Variants in ACACA observed in about 807,000 individuals in gnomAD.
ACACA encodes the protein acetyl-CoA carboxylase alpha, also known as acetyl-CoA carboxylase 1.
In ACACA, 103 loss-of-function variants were observed where a neutral mutation model predicts 296.1. The ratio of observed to expected loss-of-function variants is 0.35; its 90% confidence interval spans 0.30 to 0.41. ACACA has a LOEUF of 0.41. Among genes scored for constraint, ACACA ranks in the 10% least tolerant of loss-of-function variants. The pLI, the probability that ACACA is intolerant of heterozygous loss-of-function variation, is 1.00. For synonymous variants in ACACA, 953 were observed against 1,038.6 expected (o/e 0.92, Z 1.58); for missense variants, 1,554 against 2,989.7 (o/e 0.52, Z 11.20).
chr17:37,373,997 G>A (rs1431921927), intron 1 of ACACA, among the ~76,000 whole-genome samples: 1 of 152,160 alleles, frequency 6.6e-6, no homozygotes, highest in Non-Finnish European at 1.5e-5. Context: ...AAAGATGTGA[G>A]GCATTTATGT....
At chr17:37,333,247 AAGG>A (rs1379786293) in intron 2 of ACACA, among the ~76,000 whole-genome samples, 1 of 152,200 alleles carries the variant, frequency 6.6e-6, no homozygotes, top group Non-Finnish European at 1.5e-5. Flanking sequence ...CCTAACTTCC[AAGG>A]AACACCTATC....
intron 45 of ACACA, chr17:37,140,749 G>A (rs1263961643): frequency 4.5e-6 from 1 of 221,954 alleles, no homozygotes; most frequent in African/African-American, 2.3e-5. Flanking sequence ...GGTAGCTGTA[G>A]GTTTTAGAGA....
intron 7 of ACACA, 127 bp downstream of exon 7, chr17:37,276,906 A>AT: frequency 1.2e-6 from 1 of 839,348 alleles, no homozygotes; most frequent in South Asian, 1.4e-5. Context: ...TTAGTAATAG[A>AT]TTGAGGGAAA....
chr17:37,273,771 GCTGA>G (rs1402790972), intron 9 of ACACA, among the ~76,000 whole-genome samples: 1 of 152,152 alleles, frequency 6.6e-6, no homozygotes, highest in Non-Finnish European at 1.5e-5. Flanking sequence ...TCATAATAAA[GCTGA>G]CTGTTTGATC....
chr17:37,174,001 TA>T (rs1567761808), intron 41 of ACACA, among the ~76,000 whole-genome samples: 163 of 12,016 alleles, frequency 0.014, 11 homozygotes, highest in African/African-American at 0.066. Flanking sequence ...TATATATATA[TA>T]TATATATATA....
At chr17:37,181,894 T>C (rs2077335505) in intron 39 of ACACA, among the ~76,000 whole-genome samples, 1 of 99,638 alleles carries the variant, frequency 1.0e-5, no homozygotes, top group Non-Finnish European at 1.8e-5. Context: ...AGCAAGACTC[T>C]GTATCCAAAA....
intron 1 of ACACA, chr17:37,376,163 C>G (rs1222672348): frequency 1.2e-6 from 2 of 1,600,726 alleles, no homozygotes; most frequent in Admixed American, 3.3e-5. Flanking sequence ...ATGTAATTCT[C>G]TAGCCTAATC....
intron 1 of ACACA, among the ~76,000 whole-genome samples, chr17:37,381,176 TTTGTTG>T (rs570921905): frequency 1.7e-3 from 258 of 152,000 alleles, no homozygotes; most frequent in Non-Finnish European, 2.9e-3. Flanking sequence ...TTATTGTTAT[TTTGTTG>T]TTGTTGTTGT....
rs1044902919 is a variant in ACACA, at chr17:37,391,914, C to A, written c.38+14348G>T. 7 of 597,956 alleles carry A rather than the reference C, an allele frequency of 1.2e-5. No homozygotes were observed. In the Admixed American group the frequency reaches 1.2e-4, roughly 10 times the overall value. 37.0% of individuals were successfully genotyped at this position (597,956 alleles called of 1,614,324 possible). A position where few individuals can be genotyped will look rare whatever the true frequency, so the allele number is the denominator to read the frequency against. On this transcript the variant is annotated intron_variant, in intron 1 of 55. Transcript: ENST00000616317. ...CTCATGCCCCTATCTGAGCCACAAC[C>A]TTCTGTAATTCACTTCATACATCCA...
chr17:37,186,345 GTCT>G (rs2077530312), intron 39 of ACACA, among the ~76,000 whole-genome samples: 1 of 152,036 alleles, frequency 6.6e-6, no homozygotes, highest in South Asian at 2.1e-4. Context: ...CAAATCATTT[GTCT>G]TCTTCCATTG....
intron 52 of ACACA, among the ~76,000 whole-genome samples, chr17:37,099,441 G>A (rs187085375): frequency 1.4e-5 from 2 of 147,588 alleles, no homozygotes; most frequent in South Asian, 2.1e-4. Context: ...AGATCTGCCT[G>A]GAGGGCTGAT....
At chr17:37,172,614 CATAAT>C (rs2144684827) in intron 41 of ACACA, among the ~76,000 whole-genome samples, 1 of 152,124 alleles carries the variant, frequency 6.6e-6, no homozygotes, top group Admixed American at 6.5e-5. Context: ...CCATATATGC[CATAAT>C]ATATCTTTCT....
At chr17:37,293,212 T>A (rs2083159704) in intron 3 of ACACA, among the ~76,000 whole-genome samples, 1 of 152,250 alleles carries the variant, frequency 6.6e-6, no homozygotes, top group African/African-American at 2.4e-5. Flanking sequence ...CTACATTGTT[T>A]CATAAATAAC....
chr17:37,173,998 ATATATATATATATATATATATATT>A (rs1463321448), intron 41 of ACACA, among the ~76,000 whole-genome samples: 4 of 8,318 alleles, frequency 4.8e-4, no homozygotes, highest in East Asian at 3.8e-3. Flanking sequence ...ATATATATAT[ATATATATATATATATATATATATT>A]TTTTTTTTTT....
chr17:37,091,897 G>C (rs1390864797), intron 54 of ACACA, among the ~76,000 whole-genome samples: 3 of 152,078 alleles, frequency 2.0e-5, no homozygotes, highest in African/African-American at 7.2e-5. Flanking sequence ...TTTCTTGTTT[G>C]CTCCCTTAGA....
chr17:37,210,594 C>T, intron 29 of ACACA, 104 bp from the exon 30 acceptor site: 1 of 1,042,142 alleles, frequency 9.6e-7, no homozygotes, highest in South Asian at 1.3e-5. Context: ...TCCAGTTTGG[C>T]AGCTCTGGCA....
intron 25 of ACACA, among the ~76,000 whole-genome samples, chr17:37,227,464 C>A (rs993723359): frequency 6.6e-6 from 1 of 152,070 alleles, no homozygotes; most frequent in African/African-American, 2.4e-5. Context: ...GTAACCCCAG[C>A]ATTTTGGGAG....
intron 1 of ACACA, among the ~76,000 whole-genome samples, chr17:37,373,479 T>C (rs904555809): frequency 6.6e-6 from 1 of 152,028 alleles, no homozygotes. Flanking sequence ...ACTCCTGACC[T>C]CAAGTGTCCA....
At chr17:37,332,639 G>A (rs1177852060) in intron 2 of ACACA, among the ~76,000 whole-genome samples, 1 of 151,410 alleles carries the variant, frequency 6.6e-6, no homozygotes, top group Non-Finnish European at 1.5e-5. Flanking sequence ...GGCCGGACGC[G>A]GTGGCTCACG....
Sources: allele counts gnomAD v4.1 joint callset (sites outside exome capture counted in the v4.1 genomes callset), GRCh38; gene constraint gnomAD v4.1.1; transcripts MANE v1.5; gene names NCBI Gene and HGNC (gene_info 2026-07-23, HGNC 2026-07-21).